The following CELF2 variants were observed in gnomAD, a reference collection of about 807,000 sequenced individuals.
The protein encoded by CELF2 is CUG triplet repeat RNA-binding protein 2.
CELF2 carries 8 observed loss-of-function variants against 62.6 expected under a neutral mutation model. The observed-to-expected ratio is 0.13, with a 90% CI of 0.07 to 0.23. The LOEUF (loss-of-function observed/expected upper bound fraction) is 0.23, where lower values mean the gene tolerates loss of function less well. Among genes scored for constraint, CELF2 ranks in the 10% least tolerant of loss-of-function variants. The pLI is 1.00. For synonymous variants in CELF2, 258 were observed against 250.0 expected (o/e 1.03, Z -0.30); for missense variants, 333 against 671.0 (o/e 0.50, Z 5.56).
Position 11,110,397 on chromosome 10 carries a change from C to T in CELF2, c.75-55089C>T, listed in dbSNP as rs1185479884. On this transcript the variant is annotated intron_variant, in intron 1 of 12. Transcript: ENST00000633077. This position sits in a 1 kb window ranked among gnomAD's most constrained non-coding sequence, Gnocchi z 4.0. Reference sequence around the variant, plus strand: ...TGAGTGGAACAGAAAAAATGTGAAACGATGAAGTTTTAGGAAGCCATCTAA... The same window carrying T: ...TGAGTGGAACAGAAAAAATGTGAAATGATGAAGTTTTAGGAAGCCATCTAA... 1.3e-5 allele frequency among the ~76,000 whole-genome samples: 2 copies of T among 152,136 alleles called. No homozygotes were observed. Among genetic ancestry groups the T allele is most frequent in the East Asian group, 1.9e-4 (1 of 5,200 alleles).
chr10:10,611,906 G>C, the CELF2 span, among the ~76,000 whole-genome samples: 2 of 152,144 alleles, frequency 1.3e-5, no homozygotes, highest in Non-Finnish European at 2.9e-5. Flanking sequence ...AGAGGGAGGA[G>C]GCAGTGATTC....
chr10:10,958,810 A>T (rs759606611), intron 2 of CELF2, among the ~76,000 whole-genome samples: 2 of 152,104 alleles, frequency 1.3e-5, no homozygotes, highest in African/African-American at 4.8e-5. Flanking sequence ...CACCACTGCA[A>T]TCCAGCCTCG....
chr10:11,139,534 A>G (rs1256714427), intron 1 of CELF2, among the ~76,000 whole-genome samples: 1 of 152,174 alleles, frequency 6.6e-6, no homozygotes, highest in East Asian at 1.9e-4. Flanking sequence ...TTTCTTATAA[A>G]TAGTTTAGTT....
At position 10,972,639 on chromosome 10, in the gene CELF2, C is replaced by A. The variant is rs181321789; in HGVS notation, c.89+52640C>A. 3.7e-4 allele frequency among the ~76,000 whole-genome samples: 57 copies of A among 152,306 alleles called. No individual in the cohort carries two copies. The highest frequency in any genetic ancestry group is 7.9e-4 in the Non-Finnish European group (54 of 68,022). On this transcript the variant is annotated intron_variant, in intron 2 of 13. Transcript: ENST00000636488. This position sits in a 1 kb window ranked among gnomAD's most constrained non-coding sequence, Gnocchi z 4.4. ...TCTCAGTCCCGGTCTCCATGACTGA[C>A]CTTGCTGTGTCCTTCAGGTGCACAT...
chr10:10,700,861 G>A, the CELF2 span, among the ~76,000 whole-genome samples: 1 of 152,134 alleles, frequency 6.6e-6, no homozygotes, highest in East Asian at 1.9e-4. Flanking sequence ...CATCAGCCTG[G>A]TGTCAGTTTG....
the CELF2 span, among the ~76,000 whole-genome samples, chr10:10,572,207 T>C: frequency 6.7e-6 from 1 of 148,744 alleles, no homozygotes; most frequent in African/African-American, 2.5e-5. Flanking sequence ...GAATTCAGAC[T>C]TTTTTTTTTA....
the CELF2 span, among the ~76,000 whole-genome samples, chr10:10,498,938 T>C: frequency 6.6e-6 from 1 of 152,170 alleles, no homozygotes; most frequent in Admixed American, 6.5e-5. Flanking sequence ...TTTTTCCAGC[T>C]CTGCCTCATT....
At position 10,972,440 on chromosome 10, in the gene CELF2, T is replaced by A. The variant is rs1236555645; in HGVS notation, c.89+52441T>A. 6.6e-6 allele frequency among the ~76,000 whole-genome samples: 1 copy of A among 152,200 alleles called. No individual in the cohort carries two copies. Among genetic ancestry groups the A allele is most frequent in the Non-Finnish European group, 1.5e-5 (1 of 68,040 alleles). ...GGGAAATGCTGCTCTTCAAACTTGA[T>A]TTCCCCATCCCTCTCGTCTCCTGGT... On this transcript the variant is annotated intron_variant, in intron 2 of 13. Transcript: ENST00000636488. This position sits in a 1 kb window ranked among gnomAD's most constrained non-coding sequence, Gnocchi z 4.4.
chr10:10,467,417 G>A, the CELF2 span, among the ~76,000 whole-genome samples: 1 of 151,904 alleles, frequency 6.6e-6, no homozygotes, highest in African/African-American at 2.4e-5. Context: ...GTCATTTTCT[G>A]GGATCTGTAC....
intron 9 of CELF2, among the ~76,000 whole-genome samples, chr10:11,299,162 A>C (rs1050644787): frequency 9.9e-5 from 15 of 152,262 alleles, no homozygotes; most frequent in African/African-American, 3.6e-4. Context: ...TAAACAGAGC[A>C]AGACTGCTGT....
intron 1 of CELF2, among the ~76,000 whole-genome samples, chr10:11,123,902 A>C (rs1398928916): frequency 6.6e-6 from 1 of 152,182 alleles, no homozygotes; most frequent in East Asian, 1.9e-4. Flanking sequence ...TCATGCTGCT[A>C]ATAAAGACAT....
intron 2 of CELF2, among the ~76,000 whole-genome samples, chr10:10,930,894 C>T (rs946476847): frequency 4.6e-5 from 7 of 152,064 alleles, no homozygotes; most frequent in African/African-American, 1.7e-4. Flanking sequence ...TTTCTTATTC[C>T]TCTAAAGGGT....
intron 1 of CELF2, among the ~76,000 whole-genome samples, chr10:10,857,517 G>A (rs1245481353): frequency 6.6e-6 from 1 of 151,472 alleles, no homozygotes; most frequent in Non-Finnish European, 1.5e-5. Context: ...TTTAAAGGAA[G>A]AAAACAGTGT....
chr10:10,472,580 T>A, the CELF2 span, among the ~76,000 whole-genome samples: 70 of 152,050 alleles, frequency 4.6e-4, no homozygotes, highest in Non-Finnish European at 8.7e-4. Context: ...ATTTATTGTT[T>A]CCTCCTGTTT....
chr10:10,494,832 A>G, the CELF2 span, among the ~76,000 whole-genome samples: 5 of 152,334 alleles, frequency 3.3e-5, no homozygotes, highest in South Asian at 2.1e-4. Flanking sequence ...ATGAATCTAC[A>G]TACAACAAAA....
rs113624329 is a variant in CELF2, at chr10:11,046,926, T to G, written c.74+28763T>G. On this transcript the variant is annotated intron_variant, in intron 1 of 12. Coordinates refer to ENST00000633077, the MANE Select transcript of CELF2 (RefSeq NM_001326342.2). This position sits in a 1 kb window ranked among gnomAD's most constrained non-coding sequence, Gnocchi z 4.6. ...GATGTGATAGAAAACAAATTGGGCT[T>G]GTAGAGGAAGGATTGTTCGGAATTA... Among the ~76,000 whole-genome samples, 1,148 of 152,156 alleles carry G rather than the reference T, an allele frequency of 7.5e-3. 14 individuals carry two copies. The highest frequency in any genetic ancestry group is 0.027 in the African/African-American group (1,100 of 41,478).
chr10:10,605,602 C>G, the CELF2 span, among the ~76,000 whole-genome samples: 1 of 152,204 alleles, frequency 6.6e-6, no homozygotes, highest in Non-Finnish European at 1.5e-5. Context: ...CATAGTCAAA[C>G]GTGAAATCAG....
chr10:10,587,004 G>C, the CELF2 span, among the ~76,000 whole-genome samples: 1 of 152,164 alleles, frequency 6.6e-6, no homozygotes, highest in Non-Finnish European at 1.5e-5. Flanking sequence ...TGCTAGGCTG[G>C]TTTCTGCAAA....
the CELF2 span, among the ~76,000 whole-genome samples, chr10:10,600,695 CAGA>C: frequency 6.6e-6 from 1 of 152,264 alleles, no homozygotes; most frequent in African/African-American, 2.4e-5. Flanking sequence ...AAAAGTTGAG[CAGA>C]AGTTTTTCAG....
Sources: gnomAD v4.1 joint callset for allele counts (sites outside exome capture counted in the v4.1 genomes callset) on GRCh38, gnomAD v4.1.1 for gene constraint, Gnocchi (gnomAD v3.1) non-coding constraint, MANE v1.5 for transcripts, NCBI Gene and HGNC (gene_info 2026-07-23, HGNC 2026-07-21) for gene names.